OPCML: variants seen among roughly 807,000 people sequenced by gnomAD.
The protein encoded by OPCML is opioid binding protein/cell adhesion molecule like, also known as opioid-binding protein/cell adhesion molecule.
OPCML carries 13 observed loss-of-function variants against 37.8 expected under a neutral mutation model. That is an observed-to-expected ratio of 0.34 (90% CI 0.22 to 0.55). The LOEUF (loss-of-function observed/expected upper bound fraction) is 0.55. OPCML is among the 20% of genes least tolerant of loss of function. The pLI, the probability that OPCML is intolerant of heterozygous loss-of-function variation, is 0.91. For synonymous variants in OPCML, 176 were observed against 168.8 expected (o/e 1.04, Z -0.33); for missense variants, 341 against 435.6 (o/e 0.78, Z 1.93).
intron 1 of OPCML, among the ~76,000 whole-genome samples, chr11:133,492,328 T>C (rs1043382431): frequency 2.0e-5 from 3 of 152,202 alleles, no homozygotes; most frequent in Admixed American, 6.5e-5. Context: ...CTCATATGGA[T>C]GCTTTTGGCC....
At chr11:132,922,750 C>T (rs190557116) in intron 2 of OPCML, among the ~76,000 whole-genome samples, 223 of 152,220 alleles carry the variant, frequency 1.5e-3, no homozygotes, top group African/African-American at 5.2e-3. Flanking sequence ...TATTTTCCCT[C>T]CCAGGAACGA....
intron 2 of OPCML, among the ~76,000 whole-genome samples, chr11:132,693,075 CTT>C (rs1250461734): frequency 6.6e-6 from 1 of 152,230 alleles, no homozygotes; most frequent in Non-Finnish European, 1.5e-5. Flanking sequence ...GTTCCTGGCT[CTT>C]TGCCCAGAAG....
rs576871390 is a variant in OPCML at position 132,703,208 on chromosome 11, G to T, written c.147-45889C>A. Reference sequence around the variant, plus strand: ...GCCTACTATACAACTAAGCTATATGGTATATAGTCTATTGCTCCTAGGCTA... The same window carrying T: ...GCCTACTATACAACTAAGCTATATGTTATATAGTCTATTGCTCCTAGGCTA... On this transcript the variant is annotated intron_variant, in intron 2 of 7. Coordinates refer to ENST00000524381, the MANE Select transcript of OPCML (RefSeq NM_001012393.5). Among the ~76,000 whole-genome samples the T allele has an allele frequency of 6.8e-4, 104 of 152,136 alleles. 1 individual carries two copies. Among genetic ancestry groups the T allele is most frequent in the African/African-American group, 2.4e-3 (100 of 41,516 alleles).
At chr11:132,787,548 G>A (rs887389572) in intron 2 of OPCML, among the ~76,000 whole-genome samples, 1 of 151,952 alleles carries the variant, frequency 6.6e-6, no homozygotes, top group African/African-American at 2.4e-5. Flanking sequence ...GTGAGGATCA[G>A]GTCTGCTGAT....
intron 2 of OPCML, among the ~76,000 whole-genome samples, chr11:132,769,895 G>A (rs1946580770): frequency 6.6e-6 from 1 of 152,072 alleles, no homozygotes; most frequent in Non-Finnish European, 1.5e-5. Flanking sequence ...TTGCACATGG[G>A]AACACAACAG....
chr11:133,356,288 G>A (rs184074176), intron 1 of OPCML, among the ~76,000 whole-genome samples: 6 of 152,314 alleles, frequency 3.9e-5, no homozygotes, highest in African/African-American at 1.4e-4. Context: ...GGTGAAGGAT[G>A]TTTTCTATTT....
chr11:132,766,969 C>A (rs1331897587), intron 2 of OPCML, among the ~76,000 whole-genome samples: 1 of 152,138 alleles, frequency 6.6e-6, no homozygotes, highest in Non-Finnish European at 1.5e-5. Flanking sequence ...ATGTTTGCAG[C>A]TATATCTGAA....
intron 1 of OPCML, among the ~76,000 whole-genome samples, chr11:133,385,210 GCCT>G (rs1945019334): frequency 6.6e-6 from 1 of 152,196 alleles, no homozygotes; most frequent in African/African-American, 2.4e-5. Flanking sequence ...GTGGCTGATG[GCCT>G]GGGAGCAGGT....
chr11:132,533,516 T>G (rs2096332146), intron 3 of OPCML, among the ~76,000 whole-genome samples: 1 of 152,202 alleles, frequency 6.6e-6, no homozygotes, highest in Non-Finnish European at 1.5e-5. Context: ...CAGTTATCTT[T>G]TAAATATCTT....
At chr11:132,753,810 A>G (rs971484507) in intron 2 of OPCML, among the ~76,000 whole-genome samples, 2 of 152,222 alleles carry the variant, frequency 1.3e-5, no homozygotes, top group Non-Finnish European at 2.9e-5. Context: ...CCACTGAGCC[A>G]AAATATATTA....
At chr11:133,196,332 G>A (rs906847732) in intron 1 of OPCML, among the ~76,000 whole-genome samples, 7 of 152,214 alleles carry the variant, frequency 4.6e-5, no homozygotes, top group Non-Finnish European at 1.0e-4. Context: ...CAGCTGTTCA[G>A]TCCAACTCTT....
chr11:132,601,971 T>C (rs374149790), intron 3 of OPCML, among the ~76,000 whole-genome samples: 25 of 152,208 alleles, frequency 1.6e-4, no homozygotes, highest in African/African-American at 5.8e-4. Flanking sequence ...ATGCATTCTC[T>C]ATTCCCTCCA....
At chr11:133,500,018 T>C (rs1183041754) in intron 1 of OPCML, among the ~76,000 whole-genome samples, 2 of 151,378 alleles carry the variant, frequency 1.3e-5, no homozygotes, top group South Asian at 4.2e-4. Context: ...ATTACAGGCA[T>C]GTGCCACCAC....
chr11:132,951,853 A>G (rs976975388), intron 1 of OPCML, among the ~76,000 whole-genome samples: 48 of 152,236 alleles, frequency 3.2e-4, no homozygotes, highest in Non-Finnish European at 2.6e-4. Context: ...GAAGTTGCCT[A>G]AAAATGAAAA....
chr11:132,558,361 CCCT>C (rs1232661990), intron 3 of OPCML, among the ~76,000 whole-genome samples: 1 of 15,834 alleles, frequency 6.3e-5, no homozygotes, highest in Non-Finnish European at 1.1e-4. Context: ...TCCCCTCTCC[CCCT>C]CCTCCTCCTC....
chr11:133,074,696 G>C (rs1948594860), intron 1 of OPCML, among the ~76,000 whole-genome samples: 1 of 152,098 alleles, frequency 6.6e-6, no homozygotes, highest in East Asian at 1.9e-4. Context: ...AGGATATTCT[G>C]CTTGTTAATA....
At chr11:133,011,461 C>T (rs546342143) in intron 1 of OPCML, among the ~76,000 whole-genome samples, 1 of 152,120 alleles carries the variant, frequency 6.6e-6, no homozygotes, top group Admixed American at 6.5e-5. Context: ...AGTCAATGAC[C>T]TTTTAGGTTC....
At chr11:132,630,172 C>A (rs1940004643) in intron 3 of OPCML, among the ~76,000 whole-genome samples, 1 of 152,152 alleles carries the variant, frequency 6.6e-6, no homozygotes, top group Admixed American at 6.5e-5. Flanking sequence ...CCAATTAATT[C>A]TTACTAAAGA....
intron 2 of OPCML, among the ~76,000 whole-genome samples, chr11:132,748,474 T>C (rs534578068): frequency 6.6e-6 from 1 of 152,260 alleles, no homozygotes; most frequent in South Asian, 2.1e-4. Flanking sequence ...CAAAACCAAA[T>C]AGAACCACGT....
Sources: gnomAD v4.1 joint callset for allele counts (sites outside exome capture counted in the v4.1 genomes callset) on GRCh38, gnomAD v4.1.1 for gene constraint, MANE v1.5 for transcripts, NCBI Gene and HGNC (gene_info 2026-07-23, HGNC 2026-07-21) for gene names.